S100A14: variants seen among roughly 807,000 people sequenced by gnomAD.
S100A14 encodes the protein S100 calcium binding protein A14, also known as protein S100-A14.
Under a neutral mutation model 10.6 loss-of-function variants are expected in S100A14, and 6 were observed. That is an observed-to-expected ratio of 0.57 (90% CI 0.31 to 1.12). The LOEUF (loss-of-function observed/expected upper bound fraction) is 1.12. S100A14 is among the 50% of genes most tolerant of loss of function. S100A14 has a pLI of 0.06. For missense variants in S100A14, 121 were observed against 128.7 expected (o/e 0.94, Z 0.29); for synonymous variants, 51 against 51.0 (o/e 1.00, Z 0.00).
chr1:153,615,165 G>A, intron 3 of S100A14, 70 bp downstream of exon 3: 1 of 1,595,886 alleles, frequency 6.3e-7, no homozygotes, highest in Non-Finnish European at 8.5e-7. Flanking sequence ...GTGCCAGTGT[G>A]GGTGGGGTCC....
chr1:153,616,109 C>T (rs370734986), intron 1 of S100A14, 173 bp from the exon 2 acceptor site: 2 of 471,466 alleles, frequency 4.2e-6, no homozygotes, highest in Non-Finnish European at 7.8e-6. Context: ...ATCCCCCAGG[C>T]CAACGCATCT....
chr1:153,615,118 C>G (rs1666933019), intron 3 of S100A14, 96 bp from the exon 4 acceptor site: 2 of 1,584,776 alleles, frequency 1.3e-6, no homozygotes, highest in African/African-American at 2.7e-5. Flanking sequence ...GCAGAGGCTA[C>G]CTAGCACTGG....
chr1:153,615,013 C>T lies in S100A14; in HGVS notation c.187G>A (p.Gly63Ser), dbSNP rs1244041761. The T allele has an allele frequency of 6.2e-7, 1 of 1,613,884 alleles. No homozygotes were observed. Among genetic ancestry groups the T allele is most frequent in the Admixed American group, 1.7e-5 (1 of 60,000 alleles). The part of the protein sequence containing the change: ...QLPHLMPSNC[G>S]LEEKIANLGS... The stretch of plus-strand genomic sequence containing the variant: ...AGGTTGGCAATTTTCTCTTCCAGGC[C>T]ACAGTTGCTCTGAGGGGAGTGAAGA... The change falls in exon 4 of 4, where the codon GGC becomes AGC. Residue 63 changes from glycine (G) to serine (S), a missense_variant. Gly to Ser is a moderately conservative substitution (Grantham distance 56). Coordinates refer to ENST00000344616, the MANE Select transcript of S100A14 (RefSeq NM_020672.3).
In S100A14 at chr1:153,615,371, T is replaced by G; in HGVS notation, c.41A>C (p.Glu14Ala). The change falls in exon 3 of 4, where the codon GAA (glutamate) becomes GCA (alanine). Residue 14 changes from glutamate (E) to alanine (A), a missense_variant. Glu to Ala is a moderately radical substitution (Grantham distance 107, BLOSUM62 -1). Coordinates refer to ENST00000344616, the MANE Select transcript of S100A14 (RefSeq NM_020672.3). ...AATGGCCCTCTCCACATCACTGAAT[T>G]CCTGAGCATCCTGAGGGCAGGGGAC... ...CRSANAEDAQ[E>A]FSDVERAIET... 6.2e-7 allele frequency: 1 copy of G among 1,613,518 alleles called. No individual in the cohort carries two copies. The highest frequency in any genetic ancestry group is 8.5e-7 in the Non-Finnish European group (1 of 1,179,834).
rs779953381 is a variant in S100A14, at chr1:153,615,789, G to A, written c.30+40C>T. On this transcript the variant is annotated intron_variant, in intron 2 of 3. Coordinates refer to ENST00000344616, the MANE Select transcript of S100A14 (RefSeq NM_020672.3). Reference sequence around the variant, plus strand: ...ACATAGACCCTCAGGGTGAAGGAGAGGAGTGTGGGAGCAGAAAGGCCAGGA... The same window carrying A: ...ACATAGACCCTCAGGGTGAAGGAGAAGAGTGTGGGAGCAGAAAGGCCAGGA... 5.0e-6 allele frequency: 8 copies of A among 1,609,744 alleles called. No individual in the cohort carries two copies. In the South Asian group the frequency reaches 6.6e-5, roughly 13 times the overall value.
chr1:153,616,072 C>G, intron 1 of S100A14, 136 bp from the exon 2 acceptor site: 1 of 503,334 alleles, frequency 2.0e-6, no homozygotes, highest in South Asian at 3.0e-5. Context: ...GCCCAGGCCC[C>G]GCCTGGGCTT....
chr1:153,616,058 A>C, intron 1 of S100A14, 122 bp from the exon 2 acceptor site: 1 of 544,520 alleles, frequency 1.8e-6, no homozygotes, highest in Non-Finnish European at 3.3e-6. Flanking sequence ...CCAACACCAC[A>C]TAGGCCCAGG....
In S100A14 at chr1:153,615,831, C is replaced by T; in HGVS notation, c.28G>A (p.Glu10Lys). 2 of 1,614,044 alleles carry T rather than the reference C, an allele frequency of 1.2e-6. No homozygotes were observed. Reference sequence around the variant, plus strand: ...AGGCCAGGAGTGAATGAGCCCACCTCTGCGTTGGCTGACCGACACTGTCCC... The same window carrying T: ...AGGCCAGGAGTGAATGAGCCCACCTTTGCGTTGGCTGACCGACACTGTCCC... MGQCRSANA[E>K]DAQEFSDVER... The change falls in exon 2 of 4, where the codon GAG becomes AAG. Residue 10 changes from glutamate (E) to lysine (K), a missense_variant and splice_region_variant. Glu to Lys is a moderately conservative substitution (Grantham distance 56). Coordinates refer to ENST00000344616, the MANE Select transcript of S100A14 (RefSeq NM_020672.3).
rs1368850584 is a variant in S100A14, at chr1:153,614,378, C to T, written c.*507G>A. The T allele has an allele frequency of 6.5e-6, 1 of 154,940 alleles. No homozygotes were observed. The highest frequency in any genetic ancestry group is 1.4e-5 in the Non-Finnish European group (1 of 69,762). 9.6% of individuals were successfully genotyped at this position (154,940 alleles called of 1,614,324 possible). On this transcript the variant is annotated 3_prime_UTR_variant, in exon 4 of 4. Coordinates refer to ENST00000344616, the MANE Select transcript of S100A14 (RefSeq NM_020672.3). ...CACTCTCCTCAGCCTCTCCCCCAAC[C>T]CTGCTCTCCCTCCTCCCCTGCCCTA...
chr1:153,615,434 C>T (rs1267488543), intron 2 of S100A14, 53 bp from the exon 3 acceptor site: 13 of 1,584,686 alleles, frequency 8.2e-6, no homozygotes, highest in Admixed American at 1.7e-5. Flanking sequence ...ACCCCAAAAC[C>T]CTGCTTCTCC....
At position 153,615,950 on chromosome 1, in the gene S100A14, G is replaced by T; in HGVS notation, c.-78-14C>A. On this transcript the variant is annotated splice_polypyrimidine_tract_variant and intron_variant, in intron 1 of 3. Transcript: ENST00000344616. Reference sequence around the variant, plus strand: ...ATGGCTCATGATCTGCTTAGAGGAGGGGGTAGGCCTGAGCTGAGGAGAGAG... The same window carrying T: ...ATGGCTCATGATCTGCTTAGAGGAGTGGGTAGGCCTGAGCTGAGGAGAGAG... 1.5e-6 allele frequency: 2 copies of T among 1,294,024 alleles called. No homozygotes were observed. Among genetic ancestry groups the T allele is most frequent in the Non-Finnish European group, 2.2e-6 (2 of 891,082 alleles). The allele number at this position is 1,294,024 out of a possible 1,614,324, so 80.2% of individuals were successfully genotyped here. A position where few individuals can be genotyped will look rare whatever the true frequency, so the allele number is the denominator to read the frequency against.
intron 2 of S100A14, 70 bp downstream of exon 2, chr1:153,615,759 G>A: frequency 6.5e-7 from 1 of 1,532,334 alleles, no homozygotes; most frequent in Non-Finnish European, 9.0e-7. Context: ...GAAGTCAGTG[G>A]GGGGACATAG....
chr1:153,615,411 T>C (rs1481307270), intron 2 of S100A14, 30 bp from the exon 3 acceptor site: 4 of 1,606,738 alleles, frequency 2.5e-6, no homozygotes, highest in African/African-American at 1.3e-5. Flanking sequence ...CAAACATCAG[T>C]GAAGCTCCAT....
At chr1:153,616,035 C>T (rs748863049) in intron 1 of S100A14, 99 bp from the exon 2 acceptor site, 2 of 617,326 alleles carry the variant, frequency 3.2e-6, no homozygotes, top group Non-Finnish European at 5.7e-6. Context: ...TGTGCCTCAC[C>T]AGGGGTTCAA....
Position 153,614,897 on chromosome 1 carries a change from G to T in S100A14, c.303C>A (p.Val101=), listed in dbSNP as rs1666926553. 3 of 1,613,678 alleles carry T rather than the reference G, an allele frequency of 1.9e-6. No homozygotes were observed. Among genetic ancestry groups the T allele is most frequent in the African/African-American group, 1.3e-5 (1 of 74,972 alleles). The stretch of plus-strand genomic sequence containing the variant: ...CCAGAGGGAGTTCTCAGTGCCCCCG[G>T]ACAGGCCTCTCCAGCTTCACACTCT... ...AAKSVKLERP[V]RGH The change falls in exon 4 of 4, where the codon GTC becomes GTA. Residue 101 remains valine (V), a synonymous_variant. Coordinates refer to ENST00000344616, the MANE Select transcript of S100A14 (RefSeq NM_020672.3).
chr1:153,615,986 C>A, intron 1 of S100A14, 50 bp from the exon 2 acceptor site: 1 of 864,966 alleles, frequency 1.2e-6, no homozygotes, highest in Non-Finnish European at 1.9e-6. Flanking sequence ...TCTAGCATTT[C>A]TTTCTCAGCT....
At chr1:153,615,973 G>C in intron 1 of S100A14, 37 bp from the exon 2 acceptor site, 1 of 1,002,032 alleles carries the variant, frequency 1.0e-6, no homozygotes, top group Non-Finnish European at 1.6e-6. Flanking sequence ...GCTGAGGAGA[G>C]AGTCTAGCAT....
At chr1:153,615,694 G>T in intron 2 of S100A14, 135 bp downstream of exon 2, 1 of 894,014 alleles carries the variant, frequency 1.1e-6, no homozygotes, top group Admixed American at 2.0e-5. Context: ...TCAGAAGAGG[G>T]TTCACATCTC....
rs780824500 is a variant in S100A14 at position 153,614,739 on chromosome 1, G to A, written c.*146C>T. On this transcript the variant is annotated 3_prime_UTR_variant, in exon 4 of 4. Coordinates refer to ENST00000344616, the MANE Select transcript of S100A14 (RefSeq NM_020672.3). ...CTCCCCAGAGCATCCAAGACAGAGTGCACAGAGACCTGGGGAAGGAAGCTG... is the reference window on the plus strand; with the variant it reads ...CTCCCCAGAGCATCCAAGACAGAGTACACAGAGACCTGGGGAAGGAAGCTG... 2 of 971,716 alleles carry A rather than the reference G, an allele frequency of 2.1e-6. No homozygotes were observed. Among genetic ancestry groups the A allele is most frequent in the East Asian group, 5.2e-5 (2 of 38,168 alleles). The allele number at this position is 971,716 out of a possible 1,614,324, so 60.2% of individuals were successfully genotyped here.
Sources: gnomAD v4.1 joint callset for allele counts on GRCh38, gnomAD v4.1.1 for gene constraint, MANE v1.5 for transcripts, NCBI Gene and HGNC (gene_info 2026-07-23, HGNC 2026-07-21) for gene names.